The following DTNB variants were observed in gnomAD, a reference collection of about 807,000 sequenced individuals.
DTNB encodes DTN-B.
Under a neutral mutation model 90.7 loss-of-function variants are expected in DTNB, and 63 were observed. The observed-to-expected ratio is 0.69, with a 90% CI of 0.57 to 0.86. DTNB has a LOEUF of 0.86. DTNB is among the 40% of genes least tolerant of loss of function. The pLI, the probability that DTNB is intolerant of heterozygous loss-of-function variation, is 0.00. For synonymous variants in DTNB, 277 were observed against 286.7 expected, an observed-to-expected ratio of 0.97 and a Z score of 0.34; for missense variants, 744 against 807.1, an observed-to-expected ratio of 0.92 and a Z score of 0.95.
intron 16 of DTNB, among the ~76,000 whole-genome samples, chr2:25,411,296 T>C: frequency 6.6e-6 from 1 of 151,798 alleles, no homozygotes; most frequent in African/African-American, 2.4e-5. Flanking sequence ...GATGCAGAGG[T>C]TGCAGTGAGC....
chr2:25,632,543 C>T (rs930668022), intron 3 of DTNB, among the ~76,000 whole-genome samples: 5 of 152,064 alleles, frequency 3.3e-5, no homozygotes, highest in Admixed American at 2.6e-4. Context: ...CATGGATTAA[C>T]GGACTAATTA....
At chr2:25,500,116 G>A (rs1183245855) in intron 9 of DTNB, among the ~76,000 whole-genome samples, 1 of 151,970 alleles carries the variant, frequency 6.6e-6, no homozygotes, top group African/African-American at 2.4e-5. Flanking sequence ...GGCCAGGGCT[G>A]GTCTTGAACT....
chr2:25,418,358 T>C (rs1306780087), intron 16 of DTNB, among the ~76,000 whole-genome samples: 1 of 152,212 alleles, frequency 6.6e-6, no homozygotes, highest in Non-Finnish European at 1.5e-5. Flanking sequence ...ATTATAAGTA[T>C]AATGTTTTAT....
In DTNB at chr2:25,383,862, T is replaced by TA; in HGVS notation, c.1852_1853insT (p.Glu618ValfsTer117). 6.2e-7 allele frequency: 1 copy of TA among 1,613,914 alleles called. No individual in the cohort carries two copies. Among genetic ancestry groups the TA allele is most frequent in the Middle Eastern group, 1.7e-4 (1 of 6,060 alleles). The stretch of plus-strand genomic sequence containing the variant: ...TCTGTCTTTCCCATTCTGCATCTTC[T>TA]CTTCTTCTTCCTCTGCACCTTCCTC... On this transcript the variant is annotated frameshift_variant, in exon 19 of 21. Transcript: ENST00000406818. LOFTEE classifies it high-confidence loss of function.
chr2:25,507,473 TC>T (rs2072744413), intron 9 of DTNB, among the ~76,000 whole-genome samples: 1 of 152,198 alleles, frequency 6.6e-6, no homozygotes, highest in Admixed American at 6.5e-5. Context: ...GTAATCCTCA[TC>T]ACCATCCTTC....
intron 10 of DTNB, among the ~76,000 whole-genome samples, chr2:25,469,994 CAA>C (rs1304833819): frequency 6.6e-6 from 1 of 152,186 alleles, no homozygotes; most frequent in African/African-American, 2.4e-5. Context: ...TCCACAACTT[CAA>C]AGAGACCAGA....
chr2:25,491,146 CACACACACACAG>C (rs1440803388), intron 9 of DTNB, among the ~76,000 whole-genome samples: 12 of 50,848 alleles, frequency 2.4e-4, no homozygotes, highest in African/African-American at 7.8e-4. Context: ...AGCACACACA[CACACACACACAG>C]ACACACACAC....
At chr2:25,621,557 C>T (rs1201954529) in intron 4 of DTNB, among the ~76,000 whole-genome samples, 2 of 150,580 alleles carry the variant, frequency 1.3e-5, no homozygotes, top group Non-Finnish European at 2.9e-5. Flanking sequence ...AGCGATTCTC[C>T]TGCCTCAGCC....
At chr2:25,427,691 G>T in intron 14 of DTNB, 60 bp from the exon 15 acceptor site, 1 of 1,546,352 alleles carries the variant, frequency 6.5e-7, no homozygotes, top group Non-Finnish European at 8.8e-7. Context: ...CTAAGGCCAG[G>T]TGAAATGGAT....
chr2:25,466,106 G>A (rs1185022628), intron 10 of DTNB, among the ~76,000 whole-genome samples: 1 of 152,158 alleles, frequency 6.6e-6, no homozygotes, highest in Non-Finnish European at 1.5e-5. Flanking sequence ...AGGCTAAGGA[G>A]TAGACCACCT....
intron 4 of DTNB, 45 bp downstream of exon 4, chr2:25,628,126 G>C (rs997768890): frequency 5.1e-6 from 8 of 1,575,016 alleles, no homozygotes; most frequent in African/African-American, 1.3e-5. Context: ...TCAGAGACAG[G>C]TGTTCTTAAA....
chr2:25,381,334 A>G (rs1220092526), intron 19 of DTNB, among the ~76,000 whole-genome samples: 4 of 152,124 alleles, frequency 2.6e-5, no homozygotes, highest in African/African-American at 9.7e-5. Flanking sequence ...CTACATTTCT[A>G]TGAAGCATTC....
intron 4 of DTNB, among the ~76,000 whole-genome samples, chr2:25,625,972 G>A (rs2074068168): frequency 6.6e-6 from 1 of 152,058 alleles, no homozygotes; most frequent in Admixed American, 6.6e-5. Context: ...CCACAAAAAG[G>A]TGCCGTCTAG....
chr2:25,417,687 T>C (rs752219066), intron 16 of DTNB, among the ~76,000 whole-genome samples: 3 of 152,082 alleles, frequency 2.0e-5, no homozygotes, highest in Non-Finnish European at 2.9e-5. Flanking sequence ...CTCTGGGGTA[T>C]GGAGGGCTGA....
At chr2:25,508,761 C>T (rs1402641858) in intron 9 of DTNB, among the ~76,000 whole-genome samples, 1 of 152,008 alleles carries the variant, frequency 6.6e-6, no homozygotes, top group African/African-American at 2.4e-5. Flanking sequence ...CTCAAACTCC[C>T]AACTTCGGGT....
intron 16 of DTNB, among the ~76,000 whole-genome samples, chr2:25,404,620 T>A (rs1280611136): frequency 6.6e-6 from 1 of 152,114 alleles, no homozygotes; most frequent in African/African-American, 2.4e-5. Flanking sequence ...TTTGGGAGGC[T>A]GAGGTGGGTG....
chr2:25,629,794 C>T (rs2075276206), intron 3 of DTNB, among the ~76,000 whole-genome samples: 4 of 152,180 alleles, frequency 2.6e-5, no homozygotes, highest in Admixed American at 2.6e-4. Flanking sequence ...AATCCCAATG[C>T]CAACATCATA....
intron 6 of DTNB, among the ~76,000 whole-genome samples, chr2:25,588,830 T>C (rs1331656137): frequency 6.6e-6 from 1 of 152,228 alleles, no homozygotes; most frequent in Non-Finnish European, 1.5e-5. Flanking sequence ...ATTGGCTATA[T>C]ATCTCAACAT....
intron 9 of DTNB, among the ~76,000 whole-genome samples, chr2:25,507,351 C>A (rs1158270899): frequency 1.3e-5 from 2 of 152,122 alleles, no homozygotes; most frequent in Admixed American, 6.5e-5. Flanking sequence ...AAGTTACACA[C>A]CCCCACTCCA....
Sources: gnomAD v4.1 joint callset for allele counts (sites outside exome capture counted in the v4.1 genomes callset) on GRCh38, gnomAD v4.1.1 for gene constraint, MANE v1.5 for transcripts, NCBI Gene and HGNC (gene_info 2026-07-23, HGNC 2026-07-21) for gene names.